The following TMEM117 variants were observed in gnomAD, a reference collection of about 807,000 sequenced individuals.
The protein encoded by TMEM117 is transmembrane protein 117.
Under a neutral mutation model 52.4 loss-of-function variants are expected in TMEM117, and 27 were observed. The observed-to-expected ratio is 0.51, with a 90% confidence interval of 0.38 to 0.71. TMEM117 has a LOEUF of 0.71. TMEM117 is among the 30% of genes least tolerant of loss of function. TMEM117 has a pLI of 0.00. For missense variants in TMEM117, 556 were observed against 630.5 expected, an observed-to-expected ratio of 0.88 and a Z score of 1.26; for synonymous variants, 215 against 206.3, an observed-to-expected ratio of 1.04 and a Z score of -0.36.
chr12:44,009,397 A>C (rs1946253922), intron 3 of TMEM117: 1 of 197,046 alleles, frequency 5.1e-6, no homozygotes, highest in Non-Finnish European at 1.1e-5. Flanking sequence ...GCAATAATTG[A>C]CATTCTTCCT....
chr12:44,257,095 C>T (rs966986603), intron 5 of TMEM117, among the ~76,000 whole-genome samples: 18 of 149,562 alleles, frequency 1.2e-4, no homozygotes, highest in African/African-American at 3.5e-4. Flanking sequence ...GTGACTTGAT[C>T]GAATCCTCAA....
chr12:43,986,083 A>G (rs1945842527), intron 3 of TMEM117, among the ~76,000 whole-genome samples: 1 of 152,196 alleles, frequency 6.6e-6, no homozygotes, highest in South Asian at 2.1e-4. Context: ...GAGATGTAAT[A>G]CACCAGGAAA....
chr12:44,321,991 G>A (rs1466651295), intron 6 of TMEM117, among the ~76,000 whole-genome samples: 3 of 152,168 alleles, frequency 2.0e-5, no homozygotes, highest in Non-Finnish European at 4.4e-5. Flanking sequence ...ACTTGAAACA[G>A]GGATTCTCAT....
At chr12:44,055,036 T>A (rs1947032677) in intron 3 of TMEM117, among the ~76,000 whole-genome samples, 1 of 152,218 alleles carries the variant, frequency 6.6e-6, no homozygotes. Context: ...TTTTTAGATT[T>A]ATTACATGTT....
chr12:43,804,600 T>A, the TMEM117 span: 1 of 1,473,128 alleles, frequency 6.8e-7, no homozygotes, highest in South Asian at 1.3e-5. Flanking sequence ...GAAAGTAAAC[T>A]TTTTATACTT....
chr12:44,127,856 T>A (rs1017953211), intron 3 of TMEM117, among the ~76,000 whole-genome samples: 3 of 152,218 alleles, frequency 2.0e-5, no homozygotes, highest in Admixed American at 6.5e-5. Flanking sequence ...AGATCCACAG[T>A]TGCATAAGCC....
In TMEM117 at chr12:44,076,907, C is replaced by A. The variant is rs537175146; in HGVS notation, c.411-66618C>A. 2.7e-4 allele frequency among the ~76,000 whole-genome samples: 41 copies of A among 152,278 alleles called. 1 individual carries two copies. Among genetic ancestry groups the A allele is most frequent in the African/African-American group, 8.9e-4 (37 of 41,558 alleles). ...GACAGGCCTTAAACTATTGATTTGACAGTTTGGGCCATTAGAATGAAGGCC... is the reference window on the plus strand; with the variant it reads ...GACAGGCCTTAAACTATTGATTTGAAAGTTTGGGCCATTAGAATGAAGGCC... On this transcript the variant is annotated intron_variant, in intron 3 of 7. Coordinates refer to ENST00000266534, the MANE Select transcript of TMEM117 (RefSeq NM_032256.3).
intron 3 of TMEM117, among the ~76,000 whole-genome samples, chr12:44,081,797 G>A (rs747153979): frequency 1.4e-4 from 21 of 152,008 alleles, no homozygotes; most frequent in Non-Finnish European, 3.1e-4. Context: ...TGGAAGCCTT[G>A]TAAATTAGAA....
rs148624570 is a variant in TMEM117 at position 44,054,673 on chromosome 12, T to C, written c.411-88852T>C. Among the ~76,000 whole-genome samples, 313 of 152,214 alleles carry C rather than the reference T, an allele frequency of 2.1e-3. 3 individuals carry two copies. Among genetic ancestry groups the C allele is most frequent in the Non-Finnish European group, 3.6e-3 (242 of 68,020 alleles). The stretch of plus-strand genomic sequence containing the variant: ...TTTGTTAGGTTGTATGTGACAATGA[T>C]ACTTTCCTTATGGATACCAATAGGA... On this transcript the variant is annotated intron_variant, in intron 3 of 7. Transcript: ENST00000266534.
chr12:44,023,311 G>A (rs1175366752), intron 3 of TMEM117, among the ~76,000 whole-genome samples: 3 of 152,232 alleles, frequency 2.0e-5, no homozygotes, highest in South Asian at 2.1e-4. Flanking sequence ...TTATTGCAGC[G>A]TGATTTATAA....
chr12:43,821,222 A>G, the TMEM117 span, among the ~76,000 whole-genome samples: 3 of 152,218 alleles, frequency 2.0e-5, no homozygotes, highest in African/African-American at 7.2e-5. Context: ...TTTTAATCCA[A>G]TACCCTTATT....
intron 3 of TMEM117, among the ~76,000 whole-genome samples, chr12:43,984,285 T>G (rs1945809180): frequency 1.3e-5 from 2 of 151,924 alleles, no homozygotes; most frequent in Admixed American, 1.3e-4. Context: ...TGAGAATCGC[T>G]TAAACCCGGG....
intron 3 of TMEM117, among the ~76,000 whole-genome samples, chr12:44,142,958 T>C (rs908533624): frequency 3.9e-5 from 6 of 152,230 alleles, no homozygotes; most frequent in African/African-American, 1.2e-4. Context: ...AATTACATTC[T>C]CTTATTTATA....
chr12:44,379,449 T>A (rs573990823), intron 7 of TMEM117, among the ~76,000 whole-genome samples: 13 of 152,182 alleles, frequency 8.5e-5, no homozygotes, highest in Non-Finnish European at 1.6e-4. Context: ...CCCAGTTTGT[T>A]CACATGCATC....
intron 2 of TMEM117, among the ~76,000 whole-genome samples, chr12:43,912,534 T>TAA (rs1555183833): frequency 7.7e-5 from 10 of 130,058 alleles, no homozygotes; most frequent in African/African-American, 2.9e-4. Context: ...TATATATATA[T>TAA]ATGGCAGAAT....
intron 3 of TMEM117, among the ~76,000 whole-genome samples, chr12:44,095,319 CA>C (rs1406238007): frequency 6.6e-6 from 1 of 152,028 alleles, no homozygotes; most frequent in Non-Finnish European, 1.5e-5. Flanking sequence ...ATCCTCAAAA[CA>C]GACCATTTTT....
intron 4 of TMEM117, among the ~76,000 whole-genome samples, chr12:44,160,825 A>G (rs909718523): frequency 1.3e-5 from 2 of 152,134 alleles, no homozygotes; most frequent in African/African-American, 2.4e-5. Context: ...TACCCTATCA[A>G]TGCCTTGATC....
At chr12:44,393,729 C>T (rs1952170851), downstream of TMEM117, among the ~76,000 whole-genome samples, 1 of 152,144 alleles carries the variant, frequency 6.6e-6, no homozygotes, top group Non-Finnish European at 1.5e-5. Context: ...TCTTACCGCT[C>T]AAGAATCTAA....
intron 2 of TMEM117, among the ~76,000 whole-genome samples, chr12:43,894,084 T>A (rs971085763): frequency 2.0e-5 from 3 of 152,220 alleles, no homozygotes; most frequent in African/African-American, 7.2e-5. Flanking sequence ...TCCATGGTAC[T>A]GTATTGGTCA....
Sources: allele counts gnomAD v4.1 joint callset (sites outside exome capture counted in the v4.1 genomes callset), GRCh38; gene constraint gnomAD v4.1.1; transcripts MANE v1.5; gene names NCBI Gene and HGNC (gene_info 2026-07-23, HGNC 2026-07-21).